The following ZNRF2 variants were observed in gnomAD, a reference collection of about 807,000 sequenced individuals.
The protein encoded by ZNRF2 is E3 ubiquitin-protein ligase ZNRF2.
In ZNRF2, 16 loss-of-function variants were observed where a neutral mutation model predicts 20.4. The observed-to-expected ratio is 0.79, with a 90% confidence interval of 0.53 to 1.19. The LOEUF (loss-of-function observed/expected upper bound fraction) is 1.19, where lower values mean the gene tolerates loss of function less well. ZNRF2 is among the 50% of genes most tolerant of loss of function. The pLI, the probability that ZNRF2 is intolerant of heterozygous loss-of-function variation, is 0.00. For synonymous variants in ZNRF2, 178 were observed against 144.9 expected, an observed-to-expected ratio of 1.23 and a Z score of -1.64; for missense variants, 363 against 332.4, an observed-to-expected ratio of 1.09 and a Z score of -0.72.
At chr7:30,333,195 A>C (rs1799661657) in intron 2 of ZNRF2, among the ~76,000 whole-genome samples, 1 of 151,302 alleles carries the variant, frequency 6.6e-6, no homozygotes, top group Admixed American at 6.6e-5. Context: ...ATGGGATTAC[A>C]GGCGCCTGCC....
chr7:30,297,763 A>G (rs1229915981), intron 1 of ZNRF2, among the ~76,000 whole-genome samples: 2 of 150,416 alleles, frequency 1.3e-5, no homozygotes, highest in Admixed American at 6.6e-5. Context: ...TTTTTCTTTG[A>G]TGACTTAGAT....
chr7:30,366,835 A>G lies in ZNRF2; in HGVS notation c.*823A>G. On this transcript the variant is annotated 3_prime_UTR_variant, in exon 5 of 5. Transcript: ENST00000323037. ...GAATCATCTTGCAGCTATGCAATTT[A>G]AAAAAAATACAGATTACCAATTTCA... 6.6e-6 allele frequency: 1 copy of G among 152,318 alleles called. No individual in the cohort carries two copies. The highest frequency in any genetic ancestry group is 2.4e-5 in the African/African-American group (1 of 41,390). The allele number at this position is 152,318 out of a possible 1,614,324, so 9.4% of individuals were successfully genotyped here.
intron 3 of ZNRF2, among the ~76,000 whole-genome samples, chr7:30,361,643 G>A (rs913237285): frequency 6.6e-6 from 1 of 152,176 alleles, no homozygotes; most frequent in African/African-American, 2.4e-5. Context: ...TATCTATGCT[G>A]TCCCCTAGAG....
intron 1 of ZNRF2, among the ~76,000 whole-genome samples, chr7:30,314,938 T>A (rs1799346369): frequency 6.6e-6 from 1 of 152,010 alleles, no homozygotes; most frequent in South Asian, 2.1e-4. Context: ...TGCCTCAGCC[T>A]CCTGAGTAGC....
At chr7:30,342,676 G>A (rs1044773459) in intron 2 of ZNRF2, among the ~76,000 whole-genome samples, 5 of 152,052 alleles carry the variant, frequency 3.3e-5, no homozygotes, top group South Asian at 2.1e-4. Context: ...TTAGGTATGC[G>A]TTTTCTGAGT....
rs1354770573 is a variant in ZNRF2 at position 30,366,632 on chromosome 7, A to G, written c.*620A>G. ...ACGAGTGGAAAATAGACTTCTACAT[A>G]GGAAAGCTAAAATATGTTAATATTT... is the stretch of plus-strand genomic sequence containing the variant. On this transcript the variant is annotated 3_prime_UTR_variant, in exon 5 of 5. Transcript: ENST00000323037. 1.3e-5 allele frequency: 2 copies of G among 152,560 alleles called. No homozygotes were observed. The highest frequency in any genetic ancestry group is 2.9e-5 in the Non-Finnish European group (2 of 67,978). The allele number at this position is 152,560 out of a possible 1,614,324, so 9.5% of individuals were successfully genotyped here. A position where few individuals can be genotyped will look rare whatever the true frequency, so the allele number is the denominator to read the frequency against.
chr7:30,328,739 TGAA>T (rs1298350959), intron 2 of ZNRF2, among the ~76,000 whole-genome samples: 2 of 152,210 alleles, frequency 1.3e-5, no homozygotes, highest in Non-Finnish European at 2.9e-5. Context: ...TCCTGGTACC[TGAA>T]GAAGAAATTG....
intron 1 of ZNRF2, among the ~76,000 whole-genome samples, chr7:30,307,685 A>G (rs1037735465): frequency 1.3e-5 from 2 of 152,158 alleles, no homozygotes; most frequent in South Asian, 4.1e-4. Flanking sequence ...AGGATTTTTC[A>G]TAGCAATAAC....
At chr7:30,360,010 A>G (rs901638450) in intron 3 of ZNRF2, among the ~76,000 whole-genome samples, 1 of 152,214 alleles carries the variant, frequency 6.6e-6, no homozygotes, top group Admixed American at 6.5e-5. Context: ...TGGCCAATAA[A>G]TAATACAAAT....
intron 2 of ZNRF2, among the ~76,000 whole-genome samples, chr7:30,336,788 A>G (rs1478755776): frequency 6.6e-6 from 1 of 152,160 alleles, no homozygotes; most frequent in African/African-American, 2.4e-5. Context: ...CTGTGTGGCC[A>G]AGTACATCAT....
intron 1 of ZNRF2, among the ~76,000 whole-genome samples, chr7:30,321,087 T>G (rs1261621016): frequency 1.3e-5 from 2 of 152,192 alleles, no homozygotes; most frequent in African/African-American, 4.8e-5. Flanking sequence ...CCCGTTGCCG[T>G]GCCTGGTATT....
At chr7:30,342,292 CCT>C (rs1799807984) in intron 2 of ZNRF2, among the ~76,000 whole-genome samples, 1 of 151,964 alleles carries the variant, frequency 6.6e-6, no homozygotes, top group South Asian at 2.1e-4. Flanking sequence ...GGTTATTTTC[CCT>C]GTTAGTTGAT....
At chr7:30,326,698 T>C (rs776820508) in intron 2 of ZNRF2, among the ~76,000 whole-genome samples, 1 of 152,240 alleles carries the variant, frequency 6.6e-6, no homozygotes, top group African/African-American at 2.4e-5. Context: ...TTTAGGTCTT[T>C]GAGGAATTGC....
intron 1 of ZNRF2, among the ~76,000 whole-genome samples, chr7:30,288,422 T>G (rs1316273243): frequency 1.3e-5 from 2 of 152,226 alleles, no homozygotes; most frequent in Non-Finnish European, 2.9e-5. Context: ...TCTTGTGAGC[T>G]CTCATGTAAT....
At chr7:30,310,527 C>T (rs980014259) in intron 1 of ZNRF2, among the ~76,000 whole-genome samples, 7 of 152,046 alleles carry the variant, frequency 4.6e-5, no homozygotes, top group Non-Finnish European at 1.0e-4. Context: ...TGTGTGGCCA[C>T]GTTCAATAAA....
chr7:30,312,940 TA>T (rs1365834128), intron 1 of ZNRF2, among the ~76,000 whole-genome samples: 5 of 152,286 alleles, frequency 3.3e-5, no homozygotes, highest in Admixed American at 1.3e-4. Context: ...TAAAACATGA[TA>T]AAACAACAAA....
intron 1 of ZNRF2, among the ~76,000 whole-genome samples, chr7:30,295,911 C>G (rs919423802): frequency 1.3e-5 from 2 of 152,196 alleles, no homozygotes; most frequent in Non-Finnish European, 2.9e-5. Context: ...CCTTTCTCTT[C>G]CCAACTGCTC....
chr7:30,306,866 C>A (rs1799215053), intron 1 of ZNRF2, among the ~76,000 whole-genome samples: 1 of 152,122 alleles, frequency 6.6e-6, no homozygotes, highest in South Asian at 2.1e-4. Context: ...TGATCACCCA[C>A]CTCTCAATAC....
intron 1 of ZNRF2, among the ~76,000 whole-genome samples, chr7:30,310,065 A>G (rs1277601319): frequency 2.6e-5 from 4 of 152,316 alleles, no homozygotes; most frequent in South Asian, 2.1e-4. Flanking sequence ...GCCATAGTCC[A>G]GGAAAAAATA....
Sources: allele counts gnomAD v4.1 joint callset (sites outside exome capture counted in the v4.1 genomes callset), GRCh38; gene constraint gnomAD v4.1.1; transcripts MANE v1.5; gene names NCBI Gene and HGNC (gene_info 2026-07-23, HGNC 2026-07-21).